Variants in CTNNA3 observed in about 807,000 individuals in gnomAD.
CTNNA3 encodes the protein catenin alpha 3, also known as catenin alpha-3.
In CTNNA3, 76 loss-of-function variants were observed where a neutral mutation model predicts 95.7. The ratio of observed to expected loss-of-function variants is 0.79; its 90% CI spans 0.66 to 0.96. CTNNA3 has a LOEUF of 0.96. CTNNA3 is among the 40% of genes least tolerant of loss of function. The pLI is 0.00. For synonymous variants in CTNNA3, 431 were observed against 374.4 expected (o/e 1.15, Z -1.74); for missense variants, 1,191 against 1,089.8 (o/e 1.09, Z -1.31).
intron 7 of CTNNA3, among the ~76,000 whole-genome samples, chr10:66,803,892 A>G (rs1272784591): frequency 6.6e-6 from 1 of 152,072 alleles, no homozygotes; most frequent in Non-Finnish European, 1.5e-5. Flanking sequence ...TAACTTGCCA[A>G]CAATTTTTTG....
At chr10:66,495,507 T>C (rs149774074) in intron 11 of CTNNA3, among the ~76,000 whole-genome samples, 68 of 152,314 alleles carry the variant, frequency 4.5e-4, no homozygotes, top group Non-Finnish European at 9.1e-4. Context: ...AAGATCAATG[T>C]AGTAATCAAT....
chr10:66,895,313 G>C (rs1243142643), intron 7 of CTNNA3, among the ~76,000 whole-genome samples: 8 of 152,078 alleles, frequency 5.3e-5, no homozygotes, highest in Non-Finnish European at 1.0e-4. Context: ...TATCTTGCAA[G>C]ACTGCAGGTA....
chr10:66,844,831 A>G (rs77943814), intron 7 of CTNNA3, among the ~76,000 whole-genome samples: 5,604 of 152,236 alleles, frequency 0.037, 185 homozygotes, highest in African/African-American at 0.089. Flanking sequence ...ATTTGTTTAA[A>G]GATAACCCCC....
At chr10:66,012,311 A>T (rs2079019861) in intron 15 of CTNNA3, among the ~76,000 whole-genome samples, 1 of 152,198 alleles carries the variant, frequency 6.6e-6, no homozygotes, top group Non-Finnish European at 1.5e-5. Flanking sequence ...TGGTGTGGGG[A>T]GAATATTAGT....
chr10:67,140,465 C>T (rs1472045821), intron 7 of CTNNA3, among the ~76,000 whole-genome samples: 2 of 152,080 alleles, frequency 1.3e-5, no homozygotes, highest in African/African-American at 4.8e-5. Context: ...AAATTATTTG[C>T]ATACATCCCA....
intron 1 of CTNNA3, among the ~76,000 whole-genome samples, chr10:67,719,356 T>C (rs1311301764): frequency 3.1e-4 from 47 of 152,038 alleles, no homozygotes; most frequent in Admixed American, 3.1e-3. Context: ...TGAATTTGTT[T>C]GCTCTTGCTT....
chr10:66,403,478 A>G (rs2093035320), intron 11 of CTNNA3, among the ~76,000 whole-genome samples: 1 of 152,170 alleles, frequency 6.6e-6, no homozygotes, highest in Non-Finnish European at 1.5e-5. Flanking sequence ...AGCAGGGGCA[A>G]CTGCCAAACA....
intron 5 of CTNNA3, among the ~76,000 whole-genome samples, chr10:67,230,844 A>C (rs1179724756): frequency 6.6e-6 from 1 of 152,138 alleles, no homozygotes; most frequent in Non-Finnish European, 1.5e-5. Flanking sequence ...AAGCAGGGTG[A>C]GGCATTGCCT....
At chr10:66,383,581 AG>A (rs1387980551) in intron 11 of CTNNA3, among the ~76,000 whole-genome samples, 1 of 152,206 alleles carries the variant, frequency 6.6e-6, no homozygotes, top group East Asian at 1.9e-4. Context: ...ATTCAAATTC[AG>A]GAAATACAGA....
chr10:66,302,680 G>A (rs578244013), intron 12 of CTNNA3, among the ~76,000 whole-genome samples: 3 of 152,022 alleles, frequency 2.0e-5, no homozygotes, highest in Admixed American at 2.0e-4. Flanking sequence ...AGGGAAACTG[G>A]TAGAAAGGTA....
chr10:67,004,995 C>A (rs1457275594), intron 7 of CTNNA3, among the ~76,000 whole-genome samples: 1 of 152,138 alleles, frequency 6.6e-6, no homozygotes, highest in African/African-American at 2.4e-5. Context: ...ACTATTTACT[C>A]GCCAAACCCT....
intron 12 of CTNNA3, among the ~76,000 whole-genome samples, chr10:66,334,840 C>T (rs1344265219): frequency 2.6e-5 from 4 of 152,094 alleles, no homozygotes; most frequent in Non-Finnish European, 5.9e-5. Context: ...CAACTTGGTT[C>T]CATTCTCCCC....
At chr10:66,358,955 C>T (rs1356506827) in intron 12 of CTNNA3, among the ~76,000 whole-genome samples, 1 of 152,108 alleles carries the variant, frequency 6.6e-6, no homozygotes, top group Non-Finnish European at 1.5e-5. Context: ...TTAACATATT[C>T]CTGCCTTGTT....
intron 10 of CTNNA3, among the ~76,000 whole-genome samples, chr10:66,599,696 C>T (rs1257172042): frequency 1.3e-5 from 2 of 151,658 alleles, no homozygotes; most frequent in Non-Finnish European, 2.9e-5. Context: ...CCAGTGTTTG[C>T]TTTAAGTCCT....
intron 5 of CTNNA3, among the ~76,000 whole-genome samples, chr10:67,391,566 T>A (rs1229252399): frequency 3.3e-5 from 5 of 151,648 alleles, no homozygotes; most frequent in African/African-American, 1.2e-4. Flanking sequence ...TTAAAGTTCA[T>A]ATGGAACCAA....
At chr10:66,615,443 A>G (rs958753134) in intron 10 of CTNNA3, among the ~76,000 whole-genome samples, 7 of 152,068 alleles carry the variant, frequency 4.6e-5, no homozygotes, top group African/African-American at 9.6e-5. Flanking sequence ...TCAGGCCACA[A>G]ATATTTTTCA....
intron 3 of CTNNA3, among the ~76,000 whole-genome samples, chr10:67,560,901 A>G (rs1841484121): frequency 6.6e-6 from 1 of 152,206 alleles, no homozygotes; most frequent in African/African-American, 2.4e-5. Context: ...AGGCCATTGC[A>G]TAATGGTAAA....
chr10:66,547,126 G>T (rs1466708127), intron 10 of CTNNA3, among the ~76,000 whole-genome samples: 1 of 151,928 alleles, frequency 6.6e-6, no homozygotes, highest in East Asian at 1.9e-4. Flanking sequence ...TTAGCAGAAG[G>T]AAGTAGATAG....
intron 9 of CTNNA3, among the ~76,000 whole-genome samples, chr10:66,624,995 A>AT (rs1320738761): frequency 4.9e-5 from 7 of 144,302 alleles, no homozygotes; most frequent in African/African-American, 1.8e-4. Flanking sequence ...AAAGGTAGTT[A>AT]TTTAAATTTA....
Sources: gnomAD v4.1 joint callset for allele counts (sites outside exome capture counted in the v4.1 genomes callset) on GRCh38, gnomAD v4.1.1 for gene constraint, MANE v1.5 for transcripts, NCBI Gene and HGNC (gene_info 2026-07-23, HGNC 2026-07-21) for gene names.